The following PAPOLG variants were observed in gnomAD, a reference collection of about 807,000 sequenced individuals.
PAPOLG encodes poly(A) polymerase gamma, also known as PAP-gamma.
A neutral mutation model predicts 99.0 loss-of-function variants in PAPOLG; 40 were observed. That is an observed-to-expected ratio of 0.40 (90% CI 0.31 to 0.53). The LOEUF is 0.53. Among genes scored for constraint, PAPOLG ranks in the 20% least tolerant of loss-of-function variants. The probability of loss-of-function intolerance (pLI) is 0.41; values close to 1 mark genes in which losing one functional copy is unlikely to be tolerated. For missense variants in PAPOLG, 675 were observed against 884.1 expected (o/e 0.76, Z 3.00); for synonymous variants, 310 against 299.3 (o/e 1.04, Z -0.37).
rs1333038348 is a variant in PAPOLG, at chr2:60,797,952, T to C, written c.*792T>C. The C allele has an allele frequency of 6.5e-6, 1 of 152,788 alleles. No individual in the cohort carries two copies. Among genetic ancestry groups the C allele is most frequent in the African/African-American group, 2.4e-5 (1 of 41,450 alleles). 9.5% of individuals were successfully genotyped at this position (152,788 alleles called of 1,614,324 possible). On this transcript the variant is annotated 3_prime_UTR_variant, in exon 22 of 22. Transcript: ENST00000238714. ...GAAAGTCAGTATATGAATGGTAAAA[T>C]TGTTACATATCCTATTTCATGCCAT...
intron 13 of PAPOLG, among the ~76,000 whole-genome samples, chr2:60,786,367 A>C (rs1671361817): frequency 6.6e-6 from 1 of 151,116 alleles, no homozygotes; most frequent in African/African-American, 2.4e-5. Flanking sequence ...AGTAGCTGGG[A>C]ATATAGGTGT....
intron 3 of PAPOLG, among the ~76,000 whole-genome samples, chr2:60,768,051 A>G (rs1573224908): frequency 1.3e-5 from 2 of 152,338 alleles, no homozygotes; most frequent in Middle Eastern, 3.4e-3. Context: ...AAGGTTGGCA[A>G]ATCTAATCAT....
chr2:60,767,702 A>G (rs1479149200), intron 3 of PAPOLG, among the ~76,000 whole-genome samples: 2 of 152,240 alleles, frequency 1.3e-5, no homozygotes, highest in Admixed American at 6.5e-5. Flanking sequence ...TCTTACAGAA[A>G]GGTTGTAGAG....
At position 60,797,051 on chromosome 2, in the gene PAPOLG, CT is replaced by C. The variant is rs1484503002; in HGVS notation, c.2113-8del. ...GCTTTTCCTTTTTTGTTTCCTCTTTCTTTCTAATAGAGACTACCCAGTAAAG... is the reference window on the plus strand; with the variant it reads ...GCTTTTCCTTTTTTGTTTCCTCTTTCTTCTAATAGAGACTACCCAGTAAAG... On this transcript the variant is annotated splice_polypyrimidine_tract_variant and intron_variant, in intron 21 of 21. Coordinates refer to ENST00000238714, the MANE Select transcript of PAPOLG (RefSeq NM_022894.4). 1.2e-6 allele frequency: 2 copies of C among 1,612,126 alleles called. No individual in the cohort carries two copies. Among genetic ancestry groups the C allele is most frequent in the Non-Finnish European group, 1.7e-6 (2 of 1,178,624 alleles).
At chr2:60,764,992 A>G (rs1670630660) in intron 3 of PAPOLG, among the ~76,000 whole-genome samples, 1 of 152,212 alleles carries the variant, frequency 6.6e-6, no homozygotes, top group Non-Finnish European at 1.5e-5. Context: ...AGGTAGTCAA[A>G]AAAAATAAAG....
intron 21 of PAPOLG, 60 bp downstream of exon 21, chr2:60,795,080 C>A: frequency 7.1e-7 from 1 of 1,417,782 alleles, no homozygotes; most frequent in Non-Finnish European, 9.8e-7. Flanking sequence ...AGGTAATCTA[C>A]AAGTACAAAA....
chr2:60,783,103 G>A (rs1356914331), intron 12 of PAPOLG, 53 bp from the exon 13 acceptor site: 1 of 1,469,156 alleles, frequency 6.8e-7, no homozygotes, highest in South Asian at 1.4e-5. Context: ...TAAAAAGCAG[G>A]CTGTAACAAT....
chr2:60,797,207 T>C lies in PAPOLG; in HGVS notation c.*47T>C. The C allele has an allele frequency of 1.3e-6, 2 of 1,598,424 alleles. No individual in the cohort carries two copies. Among genetic ancestry groups the C allele is most frequent in the Non-Finnish European group, 8.6e-7 (1 of 1,166,458 alleles). ...GTGAACAAGCAATCATTTAGTGGCATAGATGCAGCCACTTGTTTTTTAAAT... is the reference window on the plus strand; with the variant it reads ...GTGAACAAGCAATCATTTAGTGGCACAGATGCAGCCACTTGTTTTTTAAAT... On this transcript the variant is annotated 3_prime_UTR_variant, in exon 22 of 22. Coordinates refer to ENST00000238714, the MANE Select transcript of PAPOLG (RefSeq NM_022894.4).
chr2:60,776,172 G>C lies in PAPOLG; in HGVS notation c.694+1049G>C, dbSNP rs1028675524. Among the ~76,000 whole-genome samples, 4 of 152,286 alleles carry C rather than the reference G, an allele frequency of 2.6e-5. No individual in the cohort carries two copies. The East Asian group carries it at 7.7e-4, about 29-fold the overall frequency. ...GAAAGTAACTTTAATCTCCTAGTAT[G>C]TGTCCACTGGAGCTCGTGGGTGACT... On this transcript the variant is annotated intron_variant, in intron 8 of 21. Coordinates refer to ENST00000238714, the MANE Select transcript of PAPOLG (RefSeq NM_022894.4).
At chr2:60,756,812 G>T (rs1225877803) in intron 1 of PAPOLG, among the ~76,000 whole-genome samples, 2 of 152,068 alleles carry the variant, frequency 1.3e-5, no homozygotes, top group African/African-American at 4.8e-5. Flanking sequence ...CCTGCCCCCA[G>T]CACTGTCTGA....
intron 3 of PAPOLG, among the ~76,000 whole-genome samples, chr2:60,766,280 GA>G (rs568759987): frequency 6.6e-6 from 1 of 151,854 alleles, no homozygotes; most frequent in Non-Finnish European, 1.5e-5. Context: ...AAGCACAGAG[GA>G]AAAAAAAGCT....
intron 11 of PAPOLG, 85 bp downstream of exon 11, chr2:60,782,090 CAGTT>C: frequency 7.3e-7 from 1 of 1,368,272 alleles, no homozygotes; most frequent in South Asian, 1.2e-5. Context: ...TATGGATTGG[CAGTT>C]AGAGTTATAC....
intron 6 of PAPOLG, among the ~76,000 whole-genome samples, chr2:60,770,887 T>C (rs979141877): frequency 2.0e-5 from 3 of 152,224 alleles, no homozygotes; most frequent in Non-Finnish European, 2.9e-5. Context: ...CCTCCCAAAG[T>C]GCTGGGATTA....
At position 60,787,640 on chromosome 2, in the gene PAPOLG, G is replaced by A. The variant is rs1169640508; in HGVS notation, c.1396+20G>A. On this transcript the variant is annotated intron_variant, in intron 15 of 21. Coordinates refer to ENST00000238714, the MANE Select transcript of PAPOLG (RefSeq NM_022894.4). ...ATACAGGTAAGACTCCATCATCATA[G>A]AGCTGTGATTCTCAAACCTGGCTAT... The A allele has an allele frequency of 6.2e-7, 1 of 1,609,486 alleles. No individual in the cohort carries two copies.
intron 15 of PAPOLG, among the ~76,000 whole-genome samples, chr2:60,788,986 A>G (rs889998213): frequency 1.3e-5 from 2 of 152,142 alleles, no homozygotes; most frequent in Non-Finnish European, 2.9e-5. Flanking sequence ...AAAGTGAGAT[A>G]CTATGCAGCC....
Position 60,799,216 on chromosome 2 carries a change from C to T in PAPOLG, c.*2056C>T, listed in dbSNP as rs1396751536. ...TTCAAAGTATCTTTAGGAATTCCTT[C>T]TGTATCCATGTTTACCCCATTATGT... On this transcript the variant is annotated 3_prime_UTR_variant, in exon 22 of 22. Transcript: ENST00000238714. 1 of 152,370 alleles carries T rather than the reference C, an allele frequency of 6.6e-6. No homozygotes were observed. Among genetic ancestry groups the T allele is most frequent in the African/African-American group, 2.4e-5 (1 of 41,464 alleles). 9.4% of individuals were successfully genotyped at this position (152,370 alleles called of 1,614,324 possible).
chr2:60,764,726 T>G (rs578124986), intron 3 of PAPOLG, among the ~76,000 whole-genome samples: 55 of 152,328 alleles, frequency 3.6e-4, no homozygotes, highest in African/African-American at 1.3e-3. Context: ...ACACCCGGTC[T>G]AGAATTCTTT....
At position 60,794,790 on chromosome 2, in the gene PAPOLG, A is replaced by C. The variant is rs1020952027; in HGVS notation, c.2055+15A>C. On this transcript the variant is annotated intron_variant, in intron 20 of 21. Coordinates refer to ENST00000238714, the MANE Select transcript of PAPOLG (RefSeq NM_022894.4). ...GAAAATCAGTGGTAAATATATTAATAGTGTGCTTCAGAATATTTATTGTAA... is the reference window on the plus strand; with the variant it reads ...GAAAATCAGTGGTAAATATATTAATCGTGTGCTTCAGAATATTTATTGTAA... The C allele has an allele frequency of 6.3e-7, 1 of 1,579,182 alleles. No individual in the cohort carries two copies. Among genetic ancestry groups the C allele is most frequent in the South Asian group, 1.1e-5 (1 of 90,152 alleles).
rs138097357 is a variant in PAPOLG at position 60,776,009 on chromosome 2, C to T, written c.694+886C>T. 2.6e-3 allele frequency among the ~76,000 whole-genome samples: 391 copies of T among 152,266 alleles called. 3 individuals carry two copies. The highest frequency in any genetic ancestry group is 8.9e-3 in the African/African-American group (370 of 41,548). The stretch of plus-strand genomic sequence containing the variant: ...CCAACTCCTGACCTTGTGATCCGCT[C>T]GCCTCGGCCTCCCAAAGTGCTGGGA... On this transcript the variant is annotated intron_variant, in intron 8 of 21. Coordinates refer to ENST00000238714, the MANE Select transcript of PAPOLG (RefSeq NM_022894.4).
Sources: gnomAD v4.1 joint callset for allele counts (sites outside exome capture counted in the v4.1 genomes callset) on GRCh38, gnomAD v4.1.1 for gene constraint, MANE v1.5 for transcripts, NCBI Gene and HGNC (gene_info 2026-07-23, HGNC 2026-07-21) for gene names.